The following WNK3 variants were observed in gnomAD, a reference collection of about 807,000 sequenced individuals.
The protein encoded by WNK3 is WNK lysine deficient protein kinase 3.
Under a neutral mutation model 116.7 loss-of-function variants are expected in WNK3, and 18 were observed. The ratio of observed to expected loss-of-function variants is 0.15; its 90% CI spans 0.11 to 0.23. The LOEUF (loss-of-function observed/expected upper bound fraction) is 0.23. WNK3 is among the 10% of genes least tolerant of loss of function. WNK3 has a pLI of 1.00. For synonymous variants in WNK3, 404 were observed against 469.4 expected (o/e 0.86, Z 1.80); for missense variants, 993 against 1,323.8 (o/e 0.75, Z 3.88).
chrX:54,249,850 G>T, intron 16 of WNK3, 144 bp downstream of exon 16: 1 of 797,528 alleles, frequency 1.3e-6, no homozygotes, highest in Non-Finnish European at 1.7e-6. Context: ...GGCTTAAGTT[G>T]TATCCTAATA....
intron 22 of WNK3, among the ~76,000 whole-genome samples, chrX:54,226,413 T>C (rs2067839999): frequency 1.1e-5 from 1 of 91,191 alleles, no homozygotes; most frequent in Non-Finnish European, 2.1e-5. Flanking sequence ...GAGGTTACAG[T>C]GAGCTGAGAT....
At chrX:54,316,819 G>A (rs1329303851) in intron 2 of WNK3, among the ~76,000 whole-genome samples, 6 of 111,575 alleles carry the variant, frequency 5.4e-5, no homozygotes, top group African/African-American at 1.9e-4. Flanking sequence ...GCAAGGATAT[G>A]GAGAAACCTT....
intron 10 of WNK3, among the ~76,000 whole-genome samples, chrX:54,283,856 T>G (rs1557163321): frequency 9.6e-6 from 1 of 104,372 alleles, no homozygotes; most frequent in East Asian, 2.9e-4. Context: ...TGTTAGGATA[T>G]TCCTAGAGGA....
chrX:54,239,125 CA>C (rs781816684), intron 17 of WNK3, 26 bp from the exon 18 acceptor site: 2 of 810,117 alleles, frequency 2.5e-6, no homozygotes, highest in South Asian at 1.1e-4. Flanking sequence ...CAAAACAAAA[CA>C]AAACAAAACA....
chrX:54,282,289 C>T (rs782667864), intron 10 of WNK3, among the ~76,000 whole-genome samples: 4 of 110,558 alleles, frequency 3.6e-5, no homozygotes, highest in South Asian at 3.9e-4. Flanking sequence ...AAGTGATCCT[C>T]GTGCCTCAGC....
chrX:54,261,637 C>A (rs191143335), intron 10 of WNK3, among the ~76,000 whole-genome samples: 1 of 111,816 alleles, frequency 8.9e-6, no homozygotes, highest in Non-Finnish European at 1.9e-5. Flanking sequence ...CAAACACACA[C>A]ACACACACAC....
chrX:54,208,620 C>T (rs2067580414), intron 22 of WNK3, among the ~76,000 whole-genome samples: 1 of 111,630 alleles, frequency 9.0e-6, no homozygotes, highest in African/African-American at 3.3e-5. Flanking sequence ...AGTGATCTGC[C>T]TGCCTTGGCC....
At chrX:54,205,421 T>C (rs953701356) in intron 22 of WNK3, among the ~76,000 whole-genome samples, 3 of 111,814 alleles carry the variant, frequency 2.7e-5, no homozygotes, top group Non-Finnish European at 5.6e-5. Flanking sequence ...AAATACTCAA[T>C]TGGCAGTAAA....
chrX:54,202,468 G>A (rs2067510913), intron 22 of WNK3, among the ~76,000 whole-genome samples: 1 of 110,648 alleles, frequency 9.0e-6, no homozygotes, highest in African/African-American at 3.3e-5. Context: ...CGAGGCGGGT[G>A]GATCACGAGG....
chrX:54,354,085 C>CA lies in WNK3; in HGVS notation c.-120+3600dup, dbSNP rs369686953. ...TGGGTGACAGAGCAAAACTCTGTCT[C>CA]AAAAAAAAAAAAAAGATTCACGAGA... On this transcript the variant is annotated intron_variant, in intron 1 of 23. Transcript: ENST00000354646. Among the ~76,000 whole-genome samples the CA allele has an allele frequency of 5.4e-3, 374 of 69,272 alleles. 2 individuals carry two copies. Among genetic ancestry groups the CA allele is most frequent in the African/African-American group, 0.017 (332 of 19,201 alleles). The allele number at this position is 69,272 out of a possible 115,157, so 60.2% of individuals were successfully genotyped here.
Position 54,248,670 on chromosome X carries a change from G to C in WNK3, c.3651+27C>G, listed in dbSNP as rs782070893. On this transcript the variant is annotated intron_variant, in intron 17 of 23. Transcript: ENST00000354646. ...TTTAAAACAATAAGCAAAGAGTAAG[G>C]AATTGGTTAGAAAGAATGATACTTA... 9 of 1,120,424 alleles carry C rather than the reference G, an allele frequency of 8.0e-6. No homozygotes were observed. In the African/African-American group the frequency reaches 1.6e-4, roughly 20 times the overall value. 92.3% of individuals were successfully genotyped at this position (1,120,424 alleles called of 1,213,427 possible).
At chrX:54,217,124 C>T (rs988092588) in intron 22 of WNK3, among the ~76,000 whole-genome samples, 1 of 108,688 alleles carries the variant, frequency 9.2e-6, no homozygotes, top group Non-Finnish European at 1.9e-5. Flanking sequence ...CGAGACCATC[C>T]TGGCTAACAC....
chrX:54,340,818 A>G (rs940551190), intron 1 of WNK3, among the ~76,000 whole-genome samples: 3 of 111,823 alleles, frequency 2.7e-5, no homozygotes, highest in Non-Finnish European at 5.6e-5. Context: ...AAAAAAAGAC[A>G]GTAACAAGTG....
At chrX:54,241,512 TAAAG>T (rs1248164004) in intron 17 of WNK3, among the ~76,000 whole-genome samples, 3 of 111,697 alleles carry the variant, frequency 2.7e-5, no homozygotes, top group East Asian at 5.6e-4. Context: ...ACTACATTGA[TAAAG>T]AAAGGAATGA....
rs782075036 is a variant in WNK3 at position 54,309,240 on chromosome X, C to A, written c.786G>T (p.Gln262His). The stretch of plus-strand genomic sequence containing the variant: ...TAGGAGGAGTCCTAGTGTGCAAGAA[C>A]TGCAACCCCTTTAAAATTTGCCTGC... The change falls in exon 4 of 24, where the codon CAG becomes CAT. Residue 262 changes from glutamine (Q) to histidine (H), a missense_variant. Physicochemically the swap from Gln to His is conservative, Grantham distance 24 (BLOSUM62 0). Around this residue, in one of 4 missense-constraint regions of WNK3, gnomAD observed 28 missense variants for 161.7 expected, o/e 0.17. Coordinates refer to ENST00000354646, the Ensembl canonical transcript of WNK3. 7.4e-6 allele frequency: 9 copies of A among 1,211,448 alleles called. No individual in the cohort carries two copies. Among genetic ancestry groups the A allele is most frequent in the Non-Finnish European group, 1.0e-5 (9 of 895,317 alleles).
chrX:54,218,555 G>T (rs1286665094), intron 22 of WNK3, among the ~76,000 whole-genome samples: 1 of 93,938 alleles, frequency 1.1e-5, no homozygotes, highest in East Asian at 3.3e-4. Flanking sequence ...TTGAAGAACA[G>T]AAAGAAAAAA....
rs2067786845 is a variant in WNK3 at position 54,222,938 on chromosome X, AT to A, written c.4870+5775del. Among the ~76,000 whole-genome samples the A allele has an allele frequency of 8.2e-5, 8 of 97,175 alleles. No homozygotes were observed. The South Asian group carries it at 2.2e-3, about 27-fold the overall frequency. The allele number at this position is 97,175 out of a possible 115,157, so 84.4% of individuals were successfully genotyped here. On this transcript the variant is annotated intron_variant, in intron 22 of 23. Transcript: ENST00000354646. ...ATAATATATATATATATATATATAT[AT>A]AAAAAAAGACACAATAGAATTTAAA...
intron 1 of WNK3, among the ~76,000 whole-genome samples, chrX:54,346,279 C>CAAAAAAAAAAAA (rs150788845): frequency 3.3e-5 from 1 of 30,356 alleles, no homozygotes; most frequent in Non-Finnish European, 5.1e-5. Context: ...GCTGATCAGC[C>CAAAAAAAAAAAA]AAAAAAAAAA....
chrX:54,286,701 T>C (rs1232321129), intron 10 of WNK3, among the ~76,000 whole-genome samples: 1 of 110,073 alleles, frequency 9.1e-6, no homozygotes, highest in Non-Finnish European at 1.9e-5. Flanking sequence ...ACACTTGAAG[T>C]CAGGAGTGCG....
Sources: gnomAD v4.1 joint callset for allele counts (sites outside exome capture counted in the v4.1 genomes callset) on GRCh38, gnomAD v4.1.1 for gene constraint, gnomAD v4.1.1 regional missense constraint, MANE v1.5 for transcripts, NCBI Gene and HGNC (gene_info 2026-07-23, HGNC 2026-07-21) for gene names.